The following SH3KBP1 variants were observed in gnomAD, a reference collection of about 807,000 sequenced individuals.
SH3KBP1 encodes SH3 domain containing kinase binding protein 1.
SH3KBP1 carries 8 observed loss-of-function variants against 50.1 expected under a neutral mutation model. The observed-to-expected ratio is 0.16, with a 90% confidence interval of 0.09 to 0.29. SH3KBP1 has a LOEUF of 0.29. Among genes scored for constraint, SH3KBP1 ranks in the 10% least tolerant of loss-of-function variants. The probability of loss-of-function intolerance (pLI) is 1.00; values close to 1 mark genes in which losing one functional copy is unlikely to be tolerated. For synonymous variants in SH3KBP1, 227 were observed against 218.6 expected (o/e 1.04, Z -0.34); for missense variants, 377 against 535.2 (o/e 0.70, Z 2.92).
intron 1 of SH3KBP1, among the ~76,000 whole-genome samples, chrX:19,839,217 T>C (rs2068152468): frequency 9.0e-6 from 1 of 110,980 alleles, no homozygotes. Context: ...TTTCAAAAGT[T>C]TGTTAAGCCT....
At chrX:19,736,794 TA>T (rs1299165726) in intron 3 of SH3KBP1, among the ~76,000 whole-genome samples, 2 of 111,941 alleles carry the variant, frequency 1.8e-5, no homozygotes, top group African/African-American at 6.5e-5. Context: ...TCAACAGATA[TA>T]ATTAGAAGAA....
chrX:19,572,674 G>T (rs963597695), intron 12 of SH3KBP1, among the ~76,000 whole-genome samples: 1 of 110,546 alleles, frequency 9.0e-6, no homozygotes, highest in African/African-American at 3.3e-5. Flanking sequence ...ATGCATCAGT[G>T]TGTTTTTCAC....
At chrX:19,730,163 G>A (rs1212038270) in intron 3 of SH3KBP1, among the ~76,000 whole-genome samples, 2 of 110,877 alleles carry the variant, frequency 1.8e-5, no homozygotes, top group Non-Finnish European at 3.8e-5. Context: ...TTTAAAAAAG[G>A]TCAAATATAA....
At chrX:19,594,056 T>TA (rs752428786) in intron 10 of SH3KBP1, among the ~76,000 whole-genome samples, 1 of 112,368 alleles carries the variant, frequency 8.9e-6, no homozygotes, top group Non-Finnish European at 1.9e-5. Flanking sequence ...CAAAAGAACT[T>TA]AAAAATCACT....
At chrX:19,663,332 G>C (rs1186422821) in intron 6 of SH3KBP1, among the ~76,000 whole-genome samples, 1 of 111,940 alleles carries the variant, frequency 8.9e-6, no homozygotes, top group Non-Finnish European at 1.9e-5. Context: ...TTTTCAGGAA[G>C]AGTAGGGGAG....
intron 8 of SH3KBP1, among the ~76,000 whole-genome samples, chrX:19,625,094 T>G (rs757514985): frequency 6.2e-5 from 7 of 112,247 alleles, no homozygotes; most frequent in Non-Finnish European, 1.1e-4. Context: ...GCTTTCTTCC[T>G]GCCAAGCTAA....
At chrX:19,751,635 G>A (rs1037573767) in intron 2 of SH3KBP1, among the ~76,000 whole-genome samples, 2 of 111,271 alleles carry the variant, frequency 1.8e-5, no homozygotes, top group Admixed American at 9.6e-5. Context: ...CAATAAAACC[G>A]AGGCCATCAA....
intron 3 of SH3KBP1, among the ~76,000 whole-genome samples, chrX:19,744,964 T>C (rs1444913448): frequency 8.9e-6 from 1 of 112,621 alleles, no homozygotes; most frequent in Non-Finnish European, 1.9e-5. Flanking sequence ...GCCTTGCCGC[T>C]GGTCAACATG....
At chrX:19,622,360 C>T (rs1285330672) in intron 8 of SH3KBP1, among the ~76,000 whole-genome samples, 1 of 112,351 alleles carries the variant, frequency 8.9e-6, no homozygotes, top group Non-Finnish European at 1.9e-5. Flanking sequence ...TATTTGCATG[C>T]ACTCCTGTGA....
chrX:19,885,873 A>G (rs5955861), intron 1 of SH3KBP1, among the ~76,000 whole-genome samples: 27,707 of 110,796 alleles, frequency 0.25, 4,095 homozygotes, highest in African/African-American at 0.55. Flanking sequence ...CATGCCCCTC[A>G]TTCATTCATT....
chrX:19,761,447 T>C lies in SH3KBP1; in HGVS notation c.163-15006A>G, dbSNP rs781342129. The stretch of plus-strand genomic sequence containing the variant: ...AGGGAGAGAGAGAAATAAAGCTATA[T>C]ACGTAAGTTAATTATAGTATATTCT... On this transcript the variant is annotated intron_variant, in intron 2 of 17. Coordinates refer to ENST00000397821, the MANE Select transcript of SH3KBP1 (RefSeq NM_031892.3). 3.6e-5 allele frequency among the ~76,000 whole-genome samples: 4 copies of C among 109,722 alleles called. No individual in the cohort carries two copies. The East Asian group carries it at 1.2e-3, about 32-fold the overall frequency.
chrX:19,749,455 T>C (rs1389564408), intron 2 of SH3KBP1, among the ~76,000 whole-genome samples: 2 of 112,812 alleles, frequency 1.8e-5, no homozygotes, highest in African/African-American at 3.2e-5. Context: ...ATATGGTATA[T>C]CCACAAAATG....
intron 2 of SH3KBP1, among the ~76,000 whole-genome samples, chrX:19,758,230 A>G (rs1247045317): frequency 9.4e-6 from 1 of 106,056 alleles, no homozygotes; most frequent in Admixed American, 1.0e-4. Context: ...CGGGAGGCTG[A>G]GGCAGGAGAA....
At chrX:19,721,000 T>C (rs911275950) in intron 3 of SH3KBP1, among the ~76,000 whole-genome samples, 3 of 111,489 alleles carry the variant, frequency 2.7e-5, no homozygotes, top group Admixed American at 1.9e-4. Flanking sequence ...GAATTCCACA[T>C]GTACCCTCTC....
intron 13 of SH3KBP1, among the ~76,000 whole-genome samples, chrX:19,567,349 C>T (rs2065871549): frequency 9.8e-6 from 1 of 102,470 alleles, no homozygotes; most frequent in South Asian, 4.6e-4. Flanking sequence ...TGCAACCCCA[C>T]CTTTACAAAA....
intron 1 of SH3KBP1, among the ~76,000 whole-genome samples, chrX:19,877,207 C>T (rs775798259): frequency 2.7e-5 from 3 of 111,940 alleles, no homozygotes; most frequent in Admixed American, 1.9e-4. Flanking sequence ...TGTCCCATTT[C>T]GGTCAAGTTG....
chrX:19,557,874 G>C (rs1344130507), intron 13 of SH3KBP1, among the ~76,000 whole-genome samples: 2 of 111,872 alleles, frequency 1.8e-5, no homozygotes, highest in African/African-American at 6.5e-5. Flanking sequence ...AATTCTCTTA[G>C]TTACTATGAA....
At chrX:19,843,659 G>A (rs1267668336) in intron 1 of SH3KBP1, among the ~76,000 whole-genome samples, 1 of 111,284 alleles carries the variant, frequency 9.0e-6, no homozygotes, top group Non-Finnish European at 1.9e-5. Context: ...CAGTCCCTGG[G>A]CCTGAACTCT....
chrX:19,715,324 A>G (rs1290489526), intron 3 of SH3KBP1, among the ~76,000 whole-genome samples: 1 of 110,280 alleles, frequency 9.1e-6, no homozygotes, highest in Non-Finnish European at 1.9e-5. Context: ...AAAAGTAATC[A>G]AAAAGAGTAT....
Sources: gnomAD v4.1 joint callset for allele counts (sites outside exome capture counted in the v4.1 genomes callset) on GRCh38, gnomAD v4.1.1 for gene constraint, MANE v1.5 for transcripts, NCBI Gene and HGNC (gene_info 2026-07-23, HGNC 2026-07-21) for gene names.